The following FAT4 variants were observed in gnomAD, a reference collection of about 807,000 sequenced individuals.
FAT4 encodes FAT atypical cadherin 4.
A neutral mutation model predicts 303.9 loss-of-function variants in FAT4; 84 were observed. The ratio of observed to expected loss-of-function variants is 0.28; its 90% CI spans 0.23 to 0.33. The LOEUF (loss-of-function observed/expected upper bound fraction) is 0.33. Among genes scored for constraint, FAT4 ranks in the 10% least tolerant of loss-of-function variants. FAT4 has a pLI of 1.00. For missense variants in FAT4, 6,005 were observed against 6,146.8 expected, an observed-to-expected ratio of 0.98 and a Z score of 0.77; for synonymous variants, 2,307 against 2,298.8, an observed-to-expected ratio of 1.00 and a Z score of -0.10.
In FAT4 at chr4:125,461,288, T is replaced by C. The variant is rs185660567; in HGVS notation, c.11801-2275T>C. Among the ~76,000 whole-genome samples, 196 of 152,194 alleles carry C rather than the reference T, an allele frequency of 1.3e-3. 1 individual carries two copies. The highest frequency in any genetic ancestry group is 4.4e-3 in the African/African-American group (183 of 41,572). On this transcript the variant is annotated intron_variant, in intron 10 of 17. Coordinates refer to ENST00000394329, the MANE Select transcript of FAT4 (RefSeq NM_001291303.3). ...ACAACACGTAAATTTCATTTGTTGC[T>C]ATTTAACTCAAGATTTATAAAGGTA...
chr4:125,440,484 T>A (rs1344205672), intron 8 of FAT4, among the ~76,000 whole-genome samples: 1 of 152,096 alleles, frequency 6.6e-6, no homozygotes, highest in Admixed American at 6.6e-5. Context: ...TTTCTTATCA[T>A]CCTGCATCTC....
Position 125,450,849 on chromosome 4 carries a change from G to A in FAT4, c.9839G>A (p.Arg3280Lys). 6.2e-7 allele frequency: 1 copy of A among 1,614,100 alleles called. No homozygotes were observed. Among genetic ancestry groups the A allele is most frequent in the South Asian group, 1.1e-5 (1 of 91,082 alleles). ...VKAFNVPDEE[R>K]CSFATVNIQL... The stretch of plus-strand genomic sequence containing the variant: ...GCCTTCAATGTCCCCGATGAGGAAA[G>A]GTGTAGCTTTGCCACTGTTAATATA... The change falls in exon 10 of 18, where the codon AGG (arginine) becomes AAG (lysine). Residue 3280 changes from arginine to lysine, a missense_variant. Arg to Lys is a conservative substitution (Grantham distance 26). Coordinates refer to ENST00000394329, the MANE Select transcript of FAT4 (RefSeq NM_001291303.3).
At position 125,316,219 on chromosome 4, in the gene FAT4, G is replaced by T. The variant is rs1560751351; in HGVS notation, c.-12-181G>T. 6.6e-6 allele frequency among the ~76,000 whole-genome samples: 1 copy of T among 152,184 alleles called. No individual in the cohort carries two copies. The highest frequency in any genetic ancestry group is 1.5e-5 in the Non-Finnish European group (1 of 68,050). ...CCACAGCATCTCTCTTGCACTCCGCGTTCAACTGGCTACCTAGAGTCTTTT... is the reference window on the plus strand; with the variant it reads ...CCACAGCATCTCTCTTGCACTCCGCTTTCAACTGGCTACCTAGAGTCTTTT... On this transcript the variant is annotated intron_variant, in intron 1 of 17. Transcript: ENST00000394329. The surrounding 1 kb of genome is among the most constrained non-coding windows in gnomAD (Gnocchi z 5.7).
chr4:125,426,265 T>C (rs1055300761), intron 7 of FAT4, among the ~76,000 whole-genome samples: 1 of 152,138 alleles, frequency 6.6e-6, no homozygotes, highest in Non-Finnish European at 1.5e-5. Context: ...TAGAAAAGTT[T>C]GCCTTGTCTG....
chr4:125,466,053 T>C (rs1482021136), intron 11 of FAT4, among the ~76,000 whole-genome samples: 1 of 152,176 alleles, frequency 6.6e-6, no homozygotes, highest in Non-Finnish European at 1.5e-5. Context: ...GAAAAAAGTT[T>C]TTTGCACTGT....
At chr4:125,328,119 A>G (rs571954066) in intron 2 of FAT4, among the ~76,000 whole-genome samples, 2 of 152,354 alleles carry the variant, frequency 1.3e-5, no homozygotes, top group Non-Finnish European at 2.9e-5. Context: ...AGTGTCCAAT[A>G]TAGAATATGG....
chr4:125,397,825 C>A (rs1303365349), intron 2 of FAT4, among the ~76,000 whole-genome samples: 1 of 152,132 alleles, frequency 6.6e-6, no homozygotes, highest in Non-Finnish European at 1.5e-5. Context: ...ATCCTTATCA[C>A]TCATCACTGA....
chr4:125,382,066 TGGTTACTTTCA>T (rs1219091338), intron 2 of FAT4, among the ~76,000 whole-genome samples: 1 of 152,200 alleles, frequency 6.6e-6, no homozygotes, highest in Non-Finnish European at 1.5e-5. Flanking sequence ...ACCACATCCG[TGGTTACTTTCA>T]GTACTGAAGT....
At chr4:125,436,808 C>T (rs923447092) in intron 8 of FAT4, among the ~76,000 whole-genome samples, 1 of 152,096 alleles carries the variant, frequency 6.6e-6, no homozygotes, top group African/African-American at 2.4e-5. Context: ...ATTCAATTAT[C>T]TCCACCTGAC....
Position 125,348,118 on chromosome 4 carries a change from A to C in FAT4, c.5175+26532A>C, listed in dbSNP as rs186954407. Among the ~76,000 whole-genome samples the C allele has an allele frequency of 6.2e-4, 94 of 151,898 alleles. 1 individual carries two copies. Among genetic ancestry groups the C allele is most frequent in the Non-Finnish European group, 7.1e-4 (48 of 67,854 alleles). ...AGTTGCACAATATTTCTGAACCTCG[A>C]TTTCTTTATCCATAAAACAATGATG... On this transcript the variant is annotated intron_variant, in intron 2 of 17. Transcript: ENST00000394329.
intron 7 of FAT4, among the ~76,000 whole-genome samples, chr4:125,420,961 C>T (rs1724849899): frequency 6.6e-6 from 1 of 152,200 alleles, no homozygotes; most frequent in African/African-American, 2.4e-5. Context: ...GAGGGAGTCT[C>T]ACTCTGTTGT....
intron 2 of FAT4, among the ~76,000 whole-genome samples, chr4:125,337,898 C>T (rs1731635747): frequency 6.6e-6 from 1 of 151,472 alleles, no homozygotes. Context: ...CCAAGAGTAT[C>T]ACAGTATCAG....
Position 125,319,330 on chromosome 4 carries a change from C to T in FAT4, c.2919C>T (p.Val973=), listed in dbSNP as rs144356360. The T allele has an allele frequency of 1.1e-3, 1,818 of 1,613,726 alleles. 31 individuals carry two copies. The East Asian group carries it at 0.034, about 30-fold the overall frequency. Reference sequence around the variant, plus strand: ...AGATCTTGGCATCTGACATGGGTGTCCCACAGCTCTCCTCTAGTGTCATCT... The same window carrying T: ...AGATCTTGGCATCTGACATGGGTGTTCCACAGCTCTCCTCTAGTGTCATCT... ...QIEILASDMG[V]PQLSSSVILT... is the part of the protein sequence containing the mutation. Residue 973 remains valine (V), a synonymous_variant, in exon 2 of 18, where the codon GTC becomes GTT. Coordinates refer to ENST00000394329, the MANE Select transcript of FAT4 (RefSeq NM_001291303.3).
intron 10 of FAT4, among the ~76,000 whole-genome samples, chr4:125,457,509 T>G (rs1018120186): frequency 6.6e-6 from 1 of 152,070 alleles, no homozygotes; most frequent in South Asian, 2.1e-4. Flanking sequence ...TAACATGTAT[T>G]TCTTATCTCT....
chr4:125,491,887 G>T lies in FAT4; in HGVS notation c.*119G>T. 9.8e-7 allele frequency: 1 copy of T among 1,020,146 alleles called. No homozygotes were observed. 63.2% of individuals were successfully genotyped at this position (1,020,146 alleles called of 1,614,324 possible). A position where few individuals can be genotyped will look rare whatever the true frequency, so the allele number is the denominator to read the frequency against. Reference sequence around the variant, plus strand: ...AGGCCAGTATGGACTAGTGGTGGAGGGAAAACTTTAAAAATAATAACCACA... The same window carrying T: ...AGGCCAGTATGGACTAGTGGTGGAGTGAAAACTTTAAAAATAATAACCACA... On this transcript the variant is annotated 3_prime_UTR_variant, in exon 18 of 18. Coordinates refer to ENST00000394329, the MANE Select transcript of FAT4 (RefSeq NM_001291303.3).
At chr4:125,383,340 A>G (rs981023446) in intron 2 of FAT4, among the ~76,000 whole-genome samples, 18 of 152,206 alleles carry the variant, frequency 1.2e-4, no homozygotes, top group South Asian at 2.1e-4. Flanking sequence ...TCTTGTTTCC[A>G]TATTGTTGTT....
At chr4:125,448,344 T>A (rs1725900272) in intron 9 of FAT4, 117 bp from the exon 10 acceptor site, 2 of 920,154 alleles carry the variant, frequency 2.2e-6, no homozygotes, top group Non-Finnish European at 3.3e-6. Flanking sequence ...TCCCTAGTAA[T>A]CATGAGAAAA....
intron 12 of FAT4, among the ~76,000 whole-genome samples, chr4:125,471,490 CAT>C (rs1726853241): frequency 6.6e-6 from 1 of 152,162 alleles, no homozygotes; most frequent in African/African-American, 2.4e-5. Flanking sequence ...ACAAGAATGA[CAT>C]ATCTATTTAG....
intron 2 of FAT4, among the ~76,000 whole-genome samples, chr4:125,322,095 C>A (rs981763017): frequency 2.6e-5 from 4 of 152,150 alleles, no homozygotes; most frequent in Admixed American, 2.6e-4. Flanking sequence ...GCAGTCTTGG[C>A]AGTTTCTTTA....
Sources: allele counts gnomAD v4.1 joint callset (sites outside exome capture counted in the v4.1 genomes callset), GRCh38; gene constraint gnomAD v4.1.1; non-coding constraint Gnocchi (gnomAD v3.1); transcripts MANE v1.5; gene names NCBI Gene and HGNC (gene_info 2026-07-23, HGNC 2026-07-21).